The following PAPLN variants were observed in gnomAD, a reference collection of about 807,000 sequenced individuals.
PAPLN encodes papilin, proteoglycan like sulfated glycoprotein.
Under a neutral mutation model 159.0 loss-of-function variants are expected in PAPLN, and 146 were observed. That is an observed-to-expected ratio of 0.92 (90% CI 0.80 to 1.05). PAPLN has a LOEUF of 1.05. PAPLN is among the 50% of genes least tolerant of loss of function. The pLI is 0.00. For missense variants in PAPLN, 1,720 were observed against 1,743.9 expected (o/e 0.99, Z 0.24); for synonymous variants, 734 against 702.9 (o/e 1.04, Z -0.70).
chr14:73,261,875 T>TGG (rs1276116391), intron 18 of PAPLN, among the ~76,000 whole-genome samples: 1 of 151,544 alleles, frequency 6.6e-6, no homozygotes, highest in Non-Finnish European at 1.5e-5. Flanking sequence ...AATGGCAGGC[T>TGG]GGGTGCTGGA....
intron 1 of PAPLN, among the ~76,000 whole-genome samples, 165 bp downstream of exon 1, chr14:73,237,757 C>T (rs961709811): frequency 2.6e-5 from 4 of 152,132 alleles, no homozygotes; most frequent in Non-Finnish European, 5.9e-5. Context: ...CGGAGGTGGG[C>T]GCAGGGTCAT....
At chr14:73,266,893 C>T in intron 25 of PAPLN, 62 bp downstream of exon 25, 1 of 1,464,694 alleles carries the variant, frequency 6.8e-7, no homozygotes, top group Non-Finnish European at 9.4e-7. Context: ...GTGTGGGTGT[C>T]CACCTTTCTG....
chr14:73,239,582 C>T, intron 1 of PAPLN, 191 bp from the exon 2 acceptor site: 3 of 1,118,638 alleles, frequency 2.7e-6, no homozygotes, highest in Non-Finnish European at 3.6e-6. Context: ...TTCTTGCTCA[C>T]ATGTTGAGCC....
At chr14:73,236,957 GAAAGA>G (rs1256295600), upstream of PAPLN, among the ~76,000 whole-genome samples, 1 of 147,738 alleles carries the variant, frequency 6.8e-6, no homozygotes, top group East Asian at 1.9e-4. Context: ...AAAGTAGAAA[GAAAGA>G]AAAGAGGAAG....
At chr14:73,261,469 G>A (rs140917843) in intron 18 of PAPLN, among the ~76,000 whole-genome samples, 175 bp downstream of exon 18, 237 of 152,362 alleles carry the variant, frequency 1.6e-3, no homozygotes, top group African/African-American at 4.9e-3. Context: ...GAGTGTTCTC[G>A]CATCCAGCAG....
intron 25 of PAPLN, 62 bp from the exon 26 acceptor site, chr14:73,268,488 ACCTCTTC>A: frequency 6.7e-7 from 1 of 1,494,798 alleles, no homozygotes; most frequent in South Asian, 1.3e-5. Flanking sequence ...GCCTTTGATT[ACCTCTTC>A]CCTCTGTCTC....
intron 18 of PAPLN, 149 bp from the exon 19 acceptor site, chr14:73,262,201 C>G: frequency 2.5e-6 from 2 of 809,546 alleles, no homozygotes; most frequent in Non-Finnish European, 3.9e-6. Flanking sequence ...ATCCTGGATC[C>G]CAGGGCCAGG....
intron 16 of PAPLN, among the ~76,000 whole-genome samples, chr14:73,259,936 G>A (rs1055511569): frequency 2.0e-5 from 3 of 152,088 alleles, no homozygotes; most frequent in Non-Finnish European, 2.9e-5. Context: ...GGCCACTCCC[G>A]CCTTATGGAA....
Position 73,245,627 on chromosome 14 carries a change from G to A in PAPLN, c.171-9G>A. ...TCGGTCAGGTCTTCCCGGTGCTCTG[G>A]TCCCGCAGGAGAGATGGAGGCTCCA... On this transcript the variant is annotated splice_polypyrimidine_tract_variant and intron_variant, in intron 3 of 26. Coordinates refer to ENST00000644200, the MANE Select transcript of PAPLN (RefSeq NM_001365906.3). The surrounding 1 kb of genome is among the most constrained non-coding windows in gnomAD (Gnocchi z 4.2). 1 of 1,556,492 alleles carries A rather than the reference G, an allele frequency of 6.4e-7. No homozygotes were observed. The highest frequency in any genetic ancestry group is 1.2e-5 in the South Asian group (1 of 84,652).
rs535400007 is a variant in PAPLN at position 73,273,024 on chromosome 14, C to G, written c.*360C>G. The G allele has an allele frequency of 6.1e-6, 1 of 163,058 alleles. No homozygotes were observed. Among genetic ancestry groups the G allele is most frequent in the Non-Finnish European group, 1.3e-5 (1 of 75,396 alleles). The allele number at this position is 163,058 out of a possible 1,614,324, so 10.1% of individuals were successfully genotyped here. ...GAGACAGAGTTTCACTCTTGTTGCC[C>G]AGGCTGGAGGGCAATGGCGCGATCT... is the stretch of plus-strand genomic sequence containing the variant. On this transcript the variant is annotated 3_prime_UTR_variant, in exon 27 of 27. Transcript: ENST00000644200.
chr14:73,264,166 C>A (rs1886952664), intron 20 of PAPLN, 45 bp from the exon 21 acceptor site: 1 of 1,610,490 alleles, frequency 6.2e-7, no homozygotes, highest in African/African-American at 1.3e-5. Context: ...TCACTGTTGC[C>A]CTTGGGAGCC....
intron 14 of PAPLN, among the ~76,000 whole-genome samples, chr14:73,255,792 G>T (rs1034847970): frequency 2.0e-5 from 3 of 152,198 alleles, no homozygotes; most frequent in Non-Finnish European, 4.4e-5. Flanking sequence ...TATGAGACAT[G>T]TGACAGGTGT....
At position 73,268,671 on chromosome 14, in the gene PAPLN, C is replaced by T; in HGVS notation, c.3615C>T (p.Tyr1205=). The T allele has an allele frequency of 6.2e-7, 1 of 1,613,726 alleles. No individual in the cohort carries two copies. Among genetic ancestry groups the T allele is most frequent in the Non-Finnish European group, 8.5e-7 (1 of 1,179,856 alleles). The stretch of plus-strand genomic sequence containing the variant: ...AGGGCTCCTACACGTGCAGTGCCTA[C>T]CAGGGGAGCCAGGCAGTCAGCCGCA... The part of the protein sequence containing the change: ...RDEGSYTCSA[Y]QGSQAVSRST... The change falls in exon 26 of 27, where the codon TAC becomes TAT. Residue 1205 remains tyrosine, a synonymous_variant. Transcript: ENST00000644200.
Position 73,259,293 on chromosome 14 carries a change from C to T in PAPLN, c.1733C>T (p.Ala578Val), listed in dbSNP as rs1392929029. 7 of 1,577,936 alleles carry T rather than the reference C, an allele frequency of 4.4e-6. No homozygotes were observed. In the African/African-American group the frequency reaches 8.1e-5, roughly 18 times the overall value. Residue 578 changes from alanine (A) to valine (V), a missense_variant, in exon 16 of 27, where the codon GCC becomes GTC. Ala to Val is a moderately conservative substitution (Grantham distance 64). Transcript: ENST00000644200. The stretch of plus-strand genomic sequence containing the variant: ...GACTCCAGAGGCCAGTGGTGGGCAG[C>T]CCAGGAACACCCCTCAGCCAGGGGT... Reference protein sequence around the residue: ...ASDSRGQWWAAQEHPSARGDH... With the variant: ...ASDSRGQWWAVQEHPSARGDH...
intron 26 of PAPLN, 66 bp downstream of exon 26, chr14:73,268,789 C>T (rs1429915140): frequency 6.7e-7 from 1 of 1,491,692 alleles, no homozygotes. Context: ...TTCTCAAGGG[C>T]TGGCTCTGCA....
chr14:73,248,100 T>TGTGTGTGTGC, intron 5 of PAPLN, among the ~76,000 whole-genome samples: 1 of 120,878 alleles, frequency 8.3e-6, no homozygotes, highest in Non-Finnish European at 1.7e-5. Context: ...TGTGTGTGTG[T>TGTGTGTGTGC]GTGTGTGCGC....
chr14:73,269,665 C>A (rs1345403579), intron 26 of PAPLN, among the ~76,000 whole-genome samples: 1 of 152,190 alleles, frequency 6.6e-6, no homozygotes. Flanking sequence ...TTCCTTGTGT[C>A]CTTGGTTCTT....
chr14:73,255,326 GGCTT>G (rs1566689952), intron 14 of PAPLN, among the ~76,000 whole-genome samples: 1 of 152,100 alleles, frequency 6.6e-6, no homozygotes, highest in East Asian at 1.9e-4. Flanking sequence ...GGTTGTATAC[GGCTT>G]GTCAGACCTA....
chr14:73,260,819 T>C lies in PAPLN; in HGVS notation c.2096T>C (p.Val699Ala). ...GGGGGCATGCCCAGGTCAAGGGCAG[T>C]GGCTTCTACAGTAAGTGTCTGGCCT... is the stretch of plus-strand genomic sequence containing the variant. ...STGGMPRSRAVASTVHNTHQP... is the reference protein window; with the variant it reads ...STGGMPRSRAAASTVHNTHQP... The change falls in exon 17 of 27, where the codon GTG (valine) becomes GCG (alanine). Residue 699 changes from valine to alanine, a missense_variant. Physicochemically the swap from Val to Ala is moderately conservative, Grantham distance 64. Coordinates refer to ENST00000644200, the MANE Select transcript of PAPLN (RefSeq NM_001365906.3). 1.3e-6 allele frequency: 2 copies of C among 1,495,398 alleles called. No individual in the cohort carries two copies. The highest frequency in any genetic ancestry group is 1.4e-5 in the South Asian group (1 of 72,114). 92.6% of individuals were successfully genotyped at this position (1,495,398 alleles called of 1,614,324 possible). A position where few individuals can be genotyped will look rare whatever the true frequency, so the allele number is the denominator to read the frequency against.
Sources: gnomAD v4.1 joint callset for allele counts (sites outside exome capture counted in the v4.1 genomes callset) on GRCh38, gnomAD v4.1.1 for gene constraint, Gnocchi (gnomAD v3.1) non-coding constraint, MANE v1.5 for transcripts, NCBI Gene and HGNC (gene_info 2026-07-23, HGNC 2026-07-21) for gene names.